The following LY75 variants were observed in gnomAD, a reference collection of about 807,000 sequenced individuals.
LY75 encodes C-type lectin domain family 13 member B.
In LY75, 185 loss-of-function variants were observed where a neutral mutation model predicts 231.7. The ratio of observed to expected loss-of-function variants is 0.80; its 90% CI spans 0.71 to 0.90. The LOEUF (loss-of-function observed/expected upper bound fraction) is 0.90. Ranked by LOEUF, LY75 falls within the 40% of genes least tolerant of loss-of-function variation. The pLI, the probability that LY75 is intolerant of heterozygous loss-of-function variation, is 0.00. For synonymous variants in LY75, 668 were observed against 689.0 expected (o/e 0.97, Z 0.48); for missense variants, 1,947 against 2,050.2 (o/e 0.95, Z 0.97).
chr2:159,829,832 G>A (rs898353691), intron 28 of LY75, among the ~76,000 whole-genome samples: 6 of 152,080 alleles, frequency 3.9e-5, no homozygotes, highest in African/African-American at 7.2e-5. Flanking sequence ...AAAACAATAA[G>A]GGAGTCTTCT....
chr2:159,872,803 T>C (rs1468076427), intron 12 of LY75, among the ~76,000 whole-genome samples: 1 of 152,118 alleles, frequency 6.6e-6, no homozygotes, highest in Non-Finnish European at 1.5e-5. Context: ...CCAGTCCTTG[T>C]GGTCAGATGG....
At chr2:159,816,589 T>G (rs1683124737) in intron 30 of LY75, among the ~76,000 whole-genome samples, 1 of 152,218 alleles carries the variant, frequency 6.6e-6, no homozygotes, top group Admixed American at 6.5e-5. Context: ...AGTCATCCAC[T>G]GGGCCCTTGG....
rs141941981 is a variant in LY75 at position 159,849,124 on chromosome 2, T to C, written c.3150+856A>G. Among the ~76,000 whole-genome samples the C allele has an allele frequency of 6.6e-4, 101 of 152,344 alleles. 1 individual carries two copies. The highest frequency in any genetic ancestry group is 2.3e-3 in the African/African-American group (96 of 41,598). On this transcript the variant is annotated intron_variant, in intron 23 of 34. Transcript: ENST00000263636. Reference sequence around the variant, plus strand: ...ACCAAGTAATAATTTGATATTTATATTGTACATAGTTACTCACGATTGAGA... The same window carrying C: ...ACCAAGTAATAATTTGATATTTATACTGTACATAGTTACTCACGATTGAGA...
chr2:159,886,579 T>C (rs746639474), intron 4 of LY75, 49 bp from the exon 5 acceptor site: 1 of 1,530,384 alleles, frequency 6.5e-7, no homozygotes, highest in East Asian at 2.3e-5. Context: ...GCCTAAGTTA[T>C]TATCTAAATT....
At chr2:159,819,514 T>G (rs1262440617) in intron 29 of LY75, among the ~76,000 whole-genome samples, 4 of 152,160 alleles carry the variant, frequency 2.6e-5, no homozygotes, top group Non-Finnish European at 4.4e-5. Flanking sequence ...GATAAGGAAT[T>G]TAATGCTGTC....
At position 159,840,899 on chromosome 2, in the gene LY75, T is replaced by G. The variant is rs1294182364; in HGVS notation, c.3337A>C (p.Asn1113His). 29 of 1,614,090 alleles carry G rather than the reference T, an allele frequency of 1.8e-5. No individual in the cohort carries two copies. The East Asian group carries it at 6.2e-4, about 35-fold the overall frequency. ...NASETVKYLN[N>H]LYKIIPKTLT... is the part of the protein sequence containing the mutation. ...GTCTTTGGGATTATTTTGTACAGAT[T>G]ATTTAGATACTTTACAGTTTCTGAA... Residue 1113 changes from asparagine (N) to histidine (H), a missense_variant, in exon 25 of 35, where the codon AAT (asparagine) becomes CAT (histidine). Coordinates refer to ENST00000263636, the MANE Select transcript of LY75 (RefSeq NM_002349.4).
intron 33 of LY75, chr2:159,807,673 A>T (rs1345983442): frequency 3.0e-6 from 3 of 984,506 alleles, no homozygotes; most frequent in Non-Finnish European, 2.4e-6. Flanking sequence ...TTTAGGATTC[A>T]TTTAGATGGA....
chr2:159,839,414 G>A (rs1683935592), intron 25 of LY75, among the ~76,000 whole-genome samples: 1 of 152,172 alleles, frequency 6.6e-6, no homozygotes, highest in African/African-American at 2.4e-5. Context: ...CATGTGCAGA[G>A]GTTAGTGATG....
chr2:159,840,277 A>G (rs1683977119), intron 25 of LY75, among the ~76,000 whole-genome samples: 1 of 152,096 alleles, frequency 6.6e-6, no homozygotes. Context: ...GCCTCTAAAA[A>G]CCACATATTG....
chr2:159,864,747 A>AT (rs1684808947), intron 14 of LY75, 92 bp downstream of exon 14: 3 of 1,271,094 alleles, frequency 2.4e-6, no homozygotes, highest in Non-Finnish European at 3.1e-6. Flanking sequence ...TTCCATATAA[A>AT]TTTTAGGTGT....
intron 1 of LY75, among the ~76,000 whole-genome samples, chr2:159,901,256 C>G (rs1686069050): frequency 6.6e-6 from 1 of 152,204 alleles, no homozygotes; most frequent in Admixed American, 6.5e-5. Flanking sequence ...CTCACACTTT[C>G]TCTCATGGCC....
chr2:159,882,839 G>A (rs1041333135), intron 6 of LY75, among the ~76,000 whole-genome samples: 58 of 152,130 alleles, frequency 3.8e-4, no homozygotes, highest in Middle Eastern at 3.4e-3. Context: ...TATACACTTC[G>A]CATCCAAGAG....
intron 13 of LY75, chr2:159,871,755 G>A (rs900358006): frequency 3.3e-5 from 5 of 152,150 alleles, no homozygotes; most frequent in African/African-American, 1.2e-4. Flanking sequence ...GATCACCTGA[G>A]GTCAGAAGTT....
rs1193545904 is a variant in LY75 at position 159,879,297 on chromosome 2, T to A, written c.1477A>T (p.Asn493Tyr). 6.2e-7 allele frequency: 1 copy of A among 1,613,706 alleles called. No individual in the cohort carries two copies. The highest frequency in any genetic ancestry group is 2.2e-5 in the East Asian group (1 of 44,866). Residue 493 changes from asparagine (N) to tyrosine (Y), a missense_variant, in exon 9 of 35, where the codon AAT becomes TAT. Physicochemically the swap from Asn to Tyr is moderately radical, Grantham distance 143. Transcript: ENST00000263636. ...CACATCTTATCAGAACTTGCGTCAT[T>A]CAGTTTTTCTCCCTTTCTCTTGCAT... ...YVCKRKGEKL[N>Y]DASSDKMCPP...
In LY75 at chr2:159,882,409, C is replaced by T. The variant is rs1285802189; in HGVS notation, c.1055-94G>A. 2.0e-6 allele frequency: 3 copies of T among 1,500,614 alleles called. No homozygotes were observed. In the African/African-American group the frequency reaches 4.2e-5, roughly 21 times the overall value. The allele number at this position is 1,500,614 out of a possible 1,614,324, so 93.0% of individuals were successfully genotyped here. A position where few individuals can be genotyped will look rare whatever the true frequency, so the allele number is the denominator to read the frequency against. ...TCTTTTTTCTTGAATAATGAGAGTC[C>T]TGGAAAACTGGGGACGTGATGTCAG... On this transcript the variant is annotated intron_variant, in intron 6 of 34. Coordinates refer to ENST00000263636, the MANE Select transcript of LY75 (RefSeq NM_002349.4).
intron 23 of LY75, among the ~76,000 whole-genome samples, chr2:159,848,982 T>C (rs970544801): frequency 1.3e-5 from 2 of 152,176 alleles, no homozygotes; most frequent in Non-Finnish European, 2.9e-5. Flanking sequence ...ATATACTAGA[T>C]GGTGATTTAA....
chr2:159,807,028 C>G lies in LY75; in HGVS notation c.4935G>C (p.Trp1645Cys). ...AACCATGTTCACATTCAACTTTTTT[C>G]CAAGTTTCATTTGAAGCTATCAACA... ...CSMLIASNET[W>C]KKVECEHGFG... The change falls in exon 34 of 35, where the codon TGG (tryptophan) becomes TGC (cysteine). Residue 1645 changes from tryptophan (W) to cysteine (C), a missense_variant. Transcript: ENST00000263636. 1 of 1,613,874 alleles carries G rather than the reference C, an allele frequency of 6.2e-7. No homozygotes were observed. The highest frequency in any genetic ancestry group is 8.5e-7 in the Non-Finnish European group (1 of 1,179,868).
rs1288482981 is a variant in LY75, at chr2:159,879,361, C to T, written c.1413G>A (p.Gln471=). The T allele has an allele frequency of 2.5e-6, 4 of 1,613,030 alleles. No individual in the cohort carries two copies. The highest frequency in any genetic ancestry group is 3.4e-6 in the Non-Finnish European group (4 of 1,179,750). Residue 471 remains glutamine (Q), a synonymous_variant, in exon 9 of 35, where the codon CAG becomes CAA. Coordinates refer to ENST00000263636, the MANE Select transcript of LY75 (RefSeq NM_002349.4). ...NCVSYLGELG[Q]WKVQSCEEKL... is the part of the protein sequence containing the mutation. Reference sequence around the variant, plus strand: ...TCTCCTCACATGATTGGACTTTCCACTGACCTAGCTTTGAAAGGAGACAAA... The same window carrying T: ...TCTCCTCACATGATTGGACTTTCCATTGACCTAGCTTTGAAAGGAGACAAA...
chr2:159,887,157 C>T lies in LY75; in HGVS notation c.803-627G>A, dbSNP rs1251111576. On this transcript the variant is annotated intron_variant, in intron 4 of 34. Coordinates refer to ENST00000263636, the MANE Select transcript of LY75 (RefSeq NM_002349.4). ...TAACATATATATATGTGGCTTATGG[C>T]TCTAGGGCCCAAAGGGTCCTGTTTA... Among the ~76,000 whole-genome samples, 3 of 148,048 alleles carry T rather than the reference C, an allele frequency of 2.0e-5. No individual in the cohort carries two copies. The East Asian group carries it at 5.9e-4, about 29-fold the overall frequency.
Sources: allele counts gnomAD v4.1 joint callset (sites outside exome capture counted in the v4.1 genomes callset), GRCh38; gene constraint gnomAD v4.1.1; transcripts MANE v1.5; gene names NCBI Gene and HGNC (gene_info 2026-07-23, HGNC 2026-07-21).